NRG1: variants seen among roughly 807,000 people sequenced by gnomAD.
The protein encoded by NRG1 is pro-neuregulin-1, membrane-bound isoform.
Under a neutral mutation model 63.8 loss-of-function variants are expected in NRG1, and 18 were observed. The observed-to-expected ratio is 0.28, with a 90% CI of 0.19 to 0.42. The LOEUF is 0.42. Ranked by LOEUF, NRG1 falls within the 10% of genes least tolerant of loss-of-function variation. The probability of loss-of-function intolerance (pLI) is 1.00; values close to 1 mark genes in which losing one functional copy is unlikely to be tolerated. For missense variants in NRG1, 762 were observed against 814.7 expected, an observed-to-expected ratio of 0.94 and a Z score of 0.79; for synonymous variants, 302 against 301.3, an observed-to-expected ratio of 1.00 and a Z score of -0.02.
At chr8:32,002,318 C>A (rs1267608451) in intron 1 of NRG1, among the ~76,000 whole-genome samples, 1 of 152,130 alleles carries the variant, frequency 6.6e-6, no homozygotes, top group Non-Finnish European at 1.5e-5. Flanking sequence ...GCCACCATGC[C>A]TGGATGGAAT....
chr8:32,028,234 A>G (rs2130409924), intron 1 of NRG1, among the ~76,000 whole-genome samples: 1 of 152,300 alleles, frequency 6.6e-6, no homozygotes, highest in Non-Finnish European at 1.5e-5. Flanking sequence ...TGGCCTCACT[A>G]TTCCTGAATG....
intron 3 of NRG1, among the ~76,000 whole-genome samples, chr8:32,613,425 A>C (rs1201969063): frequency 6.6e-6 from 1 of 152,082 alleles, no homozygotes; most frequent in African/African-American, 2.4e-5. Context: ...GCTTAAATTG[A>C]TTCTGCTTAC....
intron 1 of NRG1, among the ~76,000 whole-genome samples, chr8:32,180,828 G>A (rs1841355334): frequency 6.6e-6 from 1 of 151,964 alleles, no homozygotes; most frequent in Admixed American, 6.6e-5. Context: ...ACTATAGTTA[G>A]CATTTTGTAA....
At chr8:32,537,430 T>C (rs969802052) in intron 1 of NRG1, among the ~76,000 whole-genome samples, 1 of 152,142 alleles carries the variant, frequency 6.6e-6, no homozygotes, top group South Asian at 2.1e-4. Flanking sequence ...ATTGGGTTCA[T>C]GTATTCTTTG....
chr8:31,639,670 G>A, intron 1 of NRG1: 1 of 1,396,046 alleles, frequency 7.2e-7, no homozygotes, highest in Non-Finnish European at 9.2e-7. Context: ...CGGGCGCGGC[G>A]GCGGCGCGGG....
chr8:31,924,414 T>G (rs1834169294), intron 1 of NRG1, among the ~76,000 whole-genome samples: 1 of 152,146 alleles, frequency 6.6e-6, no homozygotes, highest in South Asian at 2.1e-4. Flanking sequence ...ATAAAGTTAC[T>G]GTTCTTATCT....
chr8:32,235,587 T>C (rs1847462194), intron 1 of NRG1, among the ~76,000 whole-genome samples: 1 of 152,140 alleles, frequency 6.6e-6, no homozygotes, highest in South Asian at 2.1e-4. Context: ...GAAGGGGTCA[T>C]TTTAATGAGA....
chr8:31,732,456 A>T (rs372278397), intron 1 of NRG1, among the ~76,000 whole-genome samples: 1 of 152,126 alleles, frequency 6.6e-6, no homozygotes, highest in African/African-American at 2.4e-5. Context: ...ATGGAGAAAG[A>T]TACATTAGGT....
rs898117867 is a variant in NRG1 at position 31,824,293 on chromosome 8, C to G, written c.37+184862C>G. On this transcript the variant is annotated intron_variant, in intron 1 of 10. Coordinates refer to the NRG1 transcript ENST00000519301. ...TGCAGTGTTTGGTTTTTTGTCCTTG[C>G]GATAGTTTGCTGAGAATGATGGTTT... Among the ~76,000 whole-genome samples, 3 of 150,576 alleles carry G rather than the reference C, an allele frequency of 2.0e-5. No individual in the cohort carries two copies. The East Asian group carries it at 6.0e-4, about 30-fold the overall frequency.
At chr8:31,948,224 T>A (rs1802932410) in intron 1 of NRG1, among the ~76,000 whole-genome samples, 2 of 152,346 alleles carry the variant, frequency 1.3e-5, no homozygotes, top group South Asian at 4.1e-4. Context: ...TCTTGAGTAC[T>A]GTTTTTATTG....
At chr8:32,185,732 A>G (rs974421256) in intron 1 of NRG1, among the ~76,000 whole-genome samples, 11 of 152,178 alleles carry the variant, frequency 7.2e-5, no homozygotes, top group African/African-American at 2.7e-4. Context: ...TTTGTCATGC[A>G]TTGACTTCTT....
chr8:32,502,327 T>C (rs1165985833), intron 1 of NRG1, among the ~76,000 whole-genome samples: 1 of 150,976 alleles, frequency 6.6e-6, no homozygotes, highest in African/African-American at 2.4e-5. Context: ...AGAGGGATGG[T>C]GCTAAAACGT....
chr8:31,701,393 T>A (rs1317556347), intron 1 of NRG1, among the ~76,000 whole-genome samples: 5 of 152,210 alleles, frequency 3.3e-5, no homozygotes, highest in Non-Finnish European at 5.9e-5. Flanking sequence ...GAATTTCTTG[T>A]TAATTTCTTG....
chr8:31,917,803 G>A (rs1320432762), intron 1 of NRG1, among the ~76,000 whole-genome samples: 2 of 152,086 alleles, frequency 1.3e-5, no homozygotes, highest in Non-Finnish European at 2.9e-5. Context: ...GGGCAGTATG[G>A]CCATTTTCAT....
intron 1 of NRG1, among the ~76,000 whole-genome samples, chr8:31,870,201 C>A (rs1186942143): frequency 6.7e-6 from 1 of 149,674 alleles, no homozygotes; most frequent in Non-Finnish European, 1.5e-5. Context: ...GATAAGAGGA[C>A]AAAAGAATTT....
chr8:31,797,881 C>A (rs1821383944), intron 1 of NRG1, among the ~76,000 whole-genome samples: 1 of 152,146 alleles, frequency 6.6e-6, no homozygotes, highest in African/African-American at 2.4e-5. Flanking sequence ...TCATTCACAG[C>A]AATATGGATG....
chr8:32,084,328 G>A (rs1476796731), intron 1 of NRG1, among the ~76,000 whole-genome samples: 1 of 152,130 alleles, frequency 6.6e-6, no homozygotes, highest in Non-Finnish European at 1.5e-5. Context: ...TCAGAAACAT[G>A]ATTAGAACAT....
chr8:32,741,873 T>A (rs1826387483), intron 6 of NRG1, 135 bp from the exon 7 acceptor site: 1 of 608,880 alleles, frequency 1.6e-6, no homozygotes, highest in East Asian at 2.8e-5. Context: ...AAATGTTGTG[T>A]CTTTTCTTTT....
chr8:32,717,154 C>T (rs1564016612), intron 5 of NRG1, among the ~76,000 whole-genome samples: 1 of 152,078 alleles, frequency 6.6e-6, no homozygotes, highest in East Asian at 1.9e-4. Flanking sequence ...CTCCCCATGG[C>T]CTATTTCTCT....
Sources: allele counts gnomAD v4.1 joint callset (sites outside exome capture counted in the v4.1 genomes callset), GRCh38; gene constraint gnomAD v4.1.1; transcripts MANE v1.5; gene names NCBI Gene and HGNC (gene_info 2026-07-23, HGNC 2026-07-21).